Variants in FMNL2 observed in about 807,000 individuals in gnomAD.
FMNL2 encodes formin like 2.
In FMNL2, 51 loss-of-function variants were observed where a neutral mutation model predicts 130.2. The ratio of observed to expected loss-of-function variants is 0.39; its 90% CI spans 0.31 to 0.49. The LOEUF (loss-of-function observed/expected upper bound fraction) is 0.49. Ranked by LOEUF, FMNL2 falls within the 20% of genes least tolerant of loss-of-function variation. The probability of loss-of-function intolerance (pLI) is 0.85; values close to 1 mark genes in which losing one functional copy is unlikely to be tolerated. For synonymous variants in FMNL2, 465 were observed against 467.1 expected, an observed-to-expected ratio of 1.00 and a Z score of 0.06; for missense variants, 977 against 1,316.2, an observed-to-expected ratio of 0.74 and a Z score of 3.99.
chr2:152,601,692 C>T lies in FMNL2; in HGVS notation c.877-5647C>T, dbSNP rs1329651918. On this transcript the variant is annotated intron_variant, in intron 9 of 25. Transcript: ENST00000288670. Reference sequence around the variant, plus strand: ...CTTTCTTTTTTTTTTTTTTTTGAGACAGAGTCTCACTCTGTCACCCAGGCT... The same window carrying T: ...CTTTCTTTTTTTTTTTTTTTTGAGATAGAGTCTCACTCTGTCACCCAGGCT... 4.2e-3 allele frequency among the ~76,000 whole-genome samples: 465 copies of T among 111,650 alleles called. 9 individuals carry two copies. Among genetic ancestry groups the T allele is most frequent in the African/African-American group, 0.016 (410 of 25,006 alleles). The allele number at this position is 111,650 out of a possible 152,430, so 73.2% of individuals were successfully genotyped here. A position where few individuals can be genotyped will look rare whatever the true frequency, so the allele number is the denominator to read the frequency against.
intron 3 of FMNL2, 130 bp from the exon 4 acceptor site, chr2:152,548,891 C>T: frequency 1.4e-6 from 1 of 719,098 alleles, no homozygotes; most frequent in South Asian, 2.2e-5. Flanking sequence ...TGCTCTGCAA[C>T]AAAAAAAGTG....
intron 12 of FMNL2, among the ~76,000 whole-genome samples, chr2:152,616,047 A>C (rs1013656668): frequency 3.3e-5 from 5 of 152,194 alleles, no homozygotes; most frequent in Admixed American, 1.3e-4. Context: ...TTTGTGTTAT[A>C]TGCTGAACCC....
intron 1 of FMNL2, among the ~76,000 whole-genome samples, chr2:152,439,152 T>C (rs992388449): frequency 1.3e-5 from 2 of 151,918 alleles, no homozygotes; most frequent in South Asian, 2.1e-4. Context: ...AATGTCCCTA[T>C]CTTTTTAGTA....
chr2:152,380,232 T>C (rs773515663), intron 1 of FMNL2, among the ~76,000 whole-genome samples: 15 of 152,214 alleles, frequency 9.9e-5, no homozygotes, highest in Non-Finnish European at 2.9e-5. Flanking sequence ...CAATAAATAC[T>C]GTACTGATTG....
intron 1 of FMNL2, among the ~76,000 whole-genome samples, chr2:152,380,810 T>C (rs1684420406): frequency 6.6e-6 from 1 of 152,176 alleles, no homozygotes; most frequent in Non-Finnish European, 1.5e-5. Flanking sequence ...AGAGCTGCAT[T>C]ATAGCTAGTG....
At chr2:152,426,115 G>T (rs1414079917) in intron 1 of FMNL2, among the ~76,000 whole-genome samples, 1 of 152,200 alleles carries the variant, frequency 6.6e-6, no homozygotes, top group Non-Finnish European at 1.5e-5. Context: ...TATGGCATCT[G>T]AGTAAATGGA....
At chr2:152,428,345 T>C (rs1209873267) in intron 1 of FMNL2, among the ~76,000 whole-genome samples, 1 of 152,186 alleles carries the variant, frequency 6.6e-6, no homozygotes, top group Non-Finnish European at 1.5e-5. Context: ...TTTACAATTA[T>C]TTTATGTACA....
At chr2:152,643,956 G>A (rs999864488) in intron 25 of FMNL2, 2 of 908,470 alleles carry the variant, frequency 2.2e-6, no homozygotes, top group Non-Finnish European at 2.6e-6. Flanking sequence ...CAGGTTGGAT[G>A]CAGTGGCACA....
chr2:152,346,004 A>G (rs1682098397), intron 1 of FMNL2, among the ~76,000 whole-genome samples: 1 of 152,092 alleles, frequency 6.6e-6, no homozygotes, highest in African/African-American at 2.4e-5. Flanking sequence ...AGTCTTTAAC[A>G]TTAAACACCT....
At chr2:152,643,122 T>C (rs1419427748) in intron 25 of FMNL2, among the ~76,000 whole-genome samples, 1 of 152,216 alleles carries the variant, frequency 6.6e-6, no homozygotes, top group East Asian at 1.9e-4. Flanking sequence ...ACATTTTCTA[T>C]TTGCTTGATC....
chr2:152,522,590 G>A (rs12613219), intron 2 of FMNL2, among the ~76,000 whole-genome samples: 85,143 of 151,962 alleles, frequency 0.56, 24,438 homozygotes, highest in Non-Finnish European at 0.63. Context: ...TGTTCTTGTG[G>A]TAGTGAGTAA....
At chr2:152,398,660 A>G (rs1438977565) in intron 1 of FMNL2, among the ~76,000 whole-genome samples, 1 of 152,228 alleles carries the variant, frequency 6.6e-6, no homozygotes, top group Non-Finnish European at 1.5e-5. Flanking sequence ...TGTACATTTT[A>G]TCTGGCTTTA....
Position 152,432,734 on chromosome 2 carries a change from T to G in FMNL2, c.118-89209T>G, listed in dbSNP as rs73002245. Among the ~76,000 whole-genome samples, 1,047 of 152,362 alleles carry G rather than the reference T, an allele frequency of 6.9e-3. 10 individuals are homozygous for G. The highest frequency in any genetic ancestry group is 0.024 in the African/African-American group (1,001 of 41,594). On this transcript the variant is annotated intron_variant, in intron 1 of 25. Coordinates refer to ENST00000288670, the MANE Select transcript of FMNL2 (RefSeq NM_052905.4). ...TGGCATAGGGGGCCGTTAATTAAAC[T>G]GTAGCCTTTCTTGGGACTCTAACAA...
chr2:152,491,250 C>T (rs892777113), intron 1 of FMNL2, among the ~76,000 whole-genome samples: 1 of 152,292 alleles, frequency 6.6e-6, no homozygotes, highest in African/African-American at 2.4e-5. Context: ...CTTTGTAACT[C>T]AAGTATAAAC....
At chr2:152,628,187 A>C in intron 17 of FMNL2, 112 bp from the exon 18 acceptor site, 1 of 874,314 alleles carries the variant, frequency 1.1e-6, no homozygotes, top group Admixed American at 2.3e-5. Flanking sequence ...TTGGTGTTTG[A>C]TGAGCTGTAC....
At chr2:152,504,448 T>C (rs996588712) in intron 1 of FMNL2, among the ~76,000 whole-genome samples, 3 of 152,050 alleles carry the variant, frequency 2.0e-5, no homozygotes, top group Admixed American at 2.0e-4. Context: ...GGTTTCACCA[T>C]GTTGGTCAGG....
At chr2:152,357,918 G>A (rs1183962023) in intron 1 of FMNL2, among the ~76,000 whole-genome samples, 1 of 152,192 alleles carries the variant, frequency 6.6e-6, no homozygotes, top group Non-Finnish European at 1.5e-5. Context: ...GATGCAAAGT[G>A]TTGTTTCTAG....
At chr2:152,500,707 G>A (rs531524937) in intron 1 of FMNL2, among the ~76,000 whole-genome samples, 15 of 152,306 alleles carry the variant, frequency 9.8e-5, no homozygotes, top group African/African-American at 3.4e-4. Context: ...AATTAGCTGG[G>A]TGTGGTGGCG....
intron 1 of FMNL2, among the ~76,000 whole-genome samples, chr2:152,368,613 T>G (rs913230059): frequency 6.6e-6 from 1 of 152,014 alleles, no homozygotes; most frequent in Non-Finnish European, 1.5e-5. Flanking sequence ...TCAGGCTAAT[T>G]TTACAATAGA....
Sources: allele counts gnomAD v4.1 joint callset (sites outside exome capture counted in the v4.1 genomes callset), GRCh38; gene constraint gnomAD v4.1.1; transcripts MANE v1.5; gene names NCBI Gene and HGNC (gene_info 2026-07-23, HGNC 2026-07-21).